Variants in CRAT observed in about 807,000 individuals in gnomAD.
CRAT encodes carnitine O-acetyltransferase, also known as carnitine acetylase.
In CRAT, 66 loss-of-function variants were observed where a neutral mutation model predicts 73.7. That is an observed-to-expected ratio of 0.90 (90% CI 0.73 to 1.10). CRAT has a LOEUF of 1.10. CRAT is among the 50% of genes least tolerant of loss of function. CRAT has a pLI of 0.00. For synonymous variants in CRAT, 321 were observed against 343.2 expected (o/e 0.94, Z 0.71); for missense variants, 745 against 846.9 (o/e 0.88, Z 1.49).
rs549929691 is a variant in CRAT, at chr9:129,104,102, A to T, written c.410+86T>A. On this transcript the variant is annotated intron_variant, in intron 3 of 13. Coordinates refer to ENST00000318080, the MANE Select transcript of CRAT (RefSeq NM_000755.5). ...GGCTGCTTGTGGGGCAGAAAGATAA[A>T]CAGGGTCGGGGCCCCTCCAAGCGGC... is the stretch of plus-strand genomic sequence containing the variant. 3.5e-6 allele frequency: 3 copies of T among 845,180 alleles called. No homozygotes were observed. The South Asian group carries it at 4.9e-5, about 14-fold the overall frequency. The allele number at this position is 845,180 out of a possible 1,614,324, so 52.4% of individuals were successfully genotyped here.
chr9:129,100,760 C>T (rs561836518), intron 6 of CRAT, 71 bp from the exon 7 acceptor site: 263 of 1,516,426 alleles, frequency 1.7e-4, no homozygotes, highest in Middle Eastern at 3.5e-4. Context: ...CCAGCCCCTC[C>T]GCAGCCTCCT....
intron 3 of CRAT, 79 bp downstream of exon 3, chr9:129,104,108 TC>T: frequency 1.0e-6 from 1 of 977,890 alleles, no homozygotes; most frequent in Non-Finnish European, 1.6e-6. Flanking sequence ...ATAAACAGGG[TC>T]GGGGCCCCTC....
In CRAT at chr9:129,110,164, G is replaced by A. The variant is rs1382905284; in HGVS notation, c.27+319C>T. Among the ~76,000 whole-genome samples, 3 of 152,150 alleles carry A rather than the reference G, an allele frequency of 2.0e-5. No individual in the cohort carries two copies. Among genetic ancestry groups the A allele is most frequent in the Admixed American group, 1.3e-4 (2 of 15,272 alleles). On this transcript the variant is annotated intron_variant, in intron 1 of 13. Coordinates refer to ENST00000318080, the MANE Select transcript of CRAT (RefSeq NM_000755.5). The surrounding 1 kb of genome is among the most constrained non-coding windows in gnomAD (Gnocchi z 5.3). Reference sequence around the variant, plus strand: ...GAGAATAACTGGGAGAGTGAGCTAGGGTCTGGATGCTCCTGGTCTCTCTCC... The same window carrying A: ...GAGAATAACTGGGAGAGTGAGCTAGAGTCTGGATGCTCCTGGTCTCTCTCC...
intron 2 of CRAT, among the ~76,000 whole-genome samples, chr9:129,104,812 G>C (rs1008445160): frequency 6.6e-6 from 1 of 151,312 alleles, no homozygotes; most frequent in Non-Finnish European, 1.5e-5. Flanking sequence ...CACCGTGTTA[G>C]CCAGGATGGT....
At chr9:129,095,668 T>C in intron 13 of CRAT, 56 bp from the exon 14 acceptor site, 6 of 1,540,716 alleles carry the variant, frequency 3.9e-6, no homozygotes, top group Non-Finnish European at 5.3e-6. Context: ...CCCCAGCACT[T>C]CCCAGGCTGC....
intron 1 of CRAT, chr9:129,108,501 G>A (rs1214269209): frequency 3.5e-6 from 4 of 1,158,276 alleles, no homozygotes; most frequent in Admixed American, 4.3e-5. Context: ...AGAAACAGAA[G>A]GGAAGAAGAG....
chr9:129,109,422 C>T (rs1297876364), intron 1 of CRAT: 2 of 552,784 alleles, frequency 3.6e-6, no homozygotes, highest in African/African-American at 4.0e-5. Flanking sequence ...CTCATTTTTT[C>T]CTGAGCTGTG....
intron 1 of CRAT, chr9:129,109,199 C>A: frequency 7.7e-7 from 1 of 1,304,230 alleles, no homozygotes; most frequent in Non-Finnish European, 1.0e-6. Flanking sequence ...CTGCGAAGAT[C>A]GTTTTGATGA....
In CRAT at chr9:129,100,523, G is replaced by T; in HGVS notation, c.972C>A (p.Asp324Glu). The T allele has an allele frequency of 6.2e-7, 1 of 1,613,234 alleles. No individual in the cohort carries two copies. The highest frequency in any genetic ancestry group is 8.5e-7 in the Non-Finnish European group (1 of 1,179,802). The stretch of plus-strand genomic sequence containing the variant: ...TGCCGGGCCTCACCTGCAGCGTCTT[G>T]TCGAACCAGCGGTTGCCGCTGTTGA... ...SRLNSGNRWF[D>E]KTLQFIVAED... The change falls in exon 7 of 14, where the codon GAC becomes GAA. Residue 324 changes from aspartate to glutamate, a missense_variant. Physicochemically the swap from Asp to Glu is conservative, Grantham distance 45. Transcript: ENST00000318080.
At chr9:129,105,610 C>A (rs956428725) in intron 2 of CRAT, among the ~76,000 whole-genome samples, 1 of 152,190 alleles carries the variant, frequency 6.6e-6, no homozygotes, top group African/African-American at 2.4e-5. Context: ...GCGTGAGCCA[C>A]CGCGTCTGGC....
rs916747970 is a variant in CRAT at position 129,094,974 on chromosome 9, C to A, written c.*423G>T. On this transcript the variant is annotated 3_prime_UTR_variant, in exon 14 of 14. Coordinates refer to ENST00000318080, the MANE Select transcript of CRAT (RefSeq NM_000755.5). ...GCCCCTCGGCCCCAGACAATCCTGT[C>A]TCCAGGTCCTGGGAGTTTGGGAAGC... The A allele has an allele frequency of 9.3e-6, 2 of 213,980 alleles. No individual in the cohort carries two copies. The highest frequency in any genetic ancestry group is 2.4e-4 in the East Asian group (2 of 8,296). 13.3% of individuals were successfully genotyped at this position (213,980 alleles called of 1,614,324 possible). A position where few individuals can be genotyped will look rare whatever the true frequency, so the allele number is the denominator to read the frequency against.
intron 2 of CRAT, among the ~76,000 whole-genome samples, chr9:129,104,803 A>G (rs903808912): frequency 6.7e-6 from 1 of 150,076 alleles, no homozygotes; most frequent in African/African-American, 2.5e-5. Flanking sequence ...ACGGGGTTTC[A>G]CCGTGTTAGC....
intron 12 of CRAT, among the ~76,000 whole-genome samples, chr9:129,096,670 T>C (rs1442943083): frequency 6.6e-6 from 1 of 152,182 alleles, no homozygotes; most frequent in African/African-American, 2.4e-5. Context: ...GAGAGATACC[T>C]AGCATCAGGG....
In CRAT at chr9:129,098,618, A is replaced by G. The variant is rs1847445502; in HGVS notation, c.1118T>C (p.Val373Ala). The G allele has an allele frequency of 1.9e-6, 3 of 1,600,244 alleles. No homozygotes were observed. The highest frequency in any genetic ancestry group is 1.4e-5 in the African/African-American group (1 of 73,500). The change falls in exon 9 of 14, where the codon GTG (valine) becomes GCG (alanine). Residue 373 changes from valine to alanine, a missense_variant. Transcript: ENST00000318080. ...KKPELVRSPL[V>A]PLPMPKKLRF... is the part of the protein sequence containing the mutation. ...CAGCTTCTTGGGCATGGGCAGGGGC[A>G]CCAGGGGAGACCGCACAAGCTCGGG...
intron 1 of CRAT, chr9:129,109,260 A>G: frequency 7.7e-7 from 1 of 1,304,176 alleles, no homozygotes. Flanking sequence ...AGGTTACACC[A>G]CAGCCCTGGG....
Position 129,102,395 on chromosome 9 carries a change from C to T in CRAT, c.630+5G>A, listed in dbSNP as rs372410890. On this transcript the variant is annotated splice_donor_5th_base_variant and intron_variant, in intron 5 of 13. Transcript: ENST00000318080. ...GGCTTGTAGGTGTGGGTGGGGGCCA[C>T]CCACCTGGTAGTTGTGTACCACGGT... 1.2e-6 allele frequency: 2 copies of T among 1,614,016 alleles called. No individual in the cohort carries two copies. Among genetic ancestry groups the T allele is most frequent in the African/African-American group, 1.3e-5 (1 of 75,054 alleles).
chr9:129,110,589 G>A lies in CRAT; in HGVS notation c.-80C>T. On this transcript the variant is annotated 5_prime_UTR_variant, in exon 1 of 14. Transcript: ENST00000318080. This position sits in a 1 kb window ranked among gnomAD's most constrained non-coding sequence, Gnocchi z 5.3. ...GTCCGCGCCGCCGCCGCCGCGGCTG[G>A]GGTCGGTGGGTCCTTGCTAGAGCCT... The A allele has an allele frequency of 6.9e-7, 1 of 1,458,136 alleles. No homozygotes were observed. Among genetic ancestry groups the A allele is most frequent in the Non-Finnish European group, 9.1e-7 (1 of 1,097,536 alleles). 90.3% of individuals were successfully genotyped at this position (1,458,136 alleles called of 1,614,324 possible). A position where few individuals can be genotyped will look rare whatever the true frequency, so the allele number is the denominator to read the frequency against.
Position 129,103,462 on chromosome 9 carries a change from C to T in CRAT, c.411-396G>A, listed in dbSNP as rs921406238. On this transcript the variant is annotated intron_variant, in intron 3 of 13. Coordinates refer to ENST00000318080, the MANE Select transcript of CRAT (RefSeq NM_000755.5). The surrounding 1 kb of genome is among the most constrained non-coding windows in gnomAD (Gnocchi z 4.6). ...TCTGAAGCATCGGTTCTGGAGGCCC[C>T]GGGCCCCTGGGGTGGTGTGATGGGA... Among the ~76,000 whole-genome samples the T allele has an allele frequency of 2.6e-5, 4 of 152,104 alleles. No individual in the cohort carries two copies. The highest frequency in any genetic ancestry group is 9.7e-5 in the African/African-American group (4 of 41,394).
Position 129,098,641 on chromosome 9 carries a change from G to A in CRAT, c.1095C>T (p.Pro365=), listed in dbSNP as rs769377050. 5.6e-6 allele frequency: 9 copies of A among 1,603,066 alleles called. No homozygotes were observed. The East Asian group carries it at 6.7e-5, about 12-fold the overall frequency. The change falls in exon 9 of 14, where the codon CCC becomes CCT. Residue 365 remains proline, a synonymous_variant. Transcript: ENST00000318080. ...GCACCAGGGGAGACCGCACAAGCTC[G>A]GGTTTCTTCCTGCACAGTAAACGGG... ...LDYVIEYTKK[P]ELVRSPLVPL... is the part of the protein sequence containing the mutation.
Sources: gnomAD v4.1 joint callset for allele counts (sites outside exome capture counted in the v4.1 genomes callset) on GRCh38, gnomAD v4.1.1 for gene constraint, Gnocchi (gnomAD v3.1) non-coding constraint, MANE v1.5 for transcripts, NCBI Gene and HGNC (gene_info 2026-07-23, HGNC 2026-07-21) for gene names.